The following HIPK2 variants were observed in gnomAD, a reference collection of about 807,000 sequenced individuals.
The protein encoded by HIPK2 is homeodomain-interacting protein kinase 2.
Under a neutral mutation model 113.7 loss-of-function variants are expected in HIPK2, and 27 were observed. The ratio of observed to expected loss-of-function variants is 0.24; its 90% CI spans 0.17 to 0.33. HIPK2 has a LOEUF of 0.33. Among genes scored for constraint, HIPK2 ranks in the 10% least tolerant of loss-of-function variants. The pLI is 1.00. For synonymous variants in HIPK2, 631 were observed against 642.2 expected (o/e 0.98, Z 0.26); for missense variants, 1,257 against 1,588.0 (o/e 0.79, Z 3.54).
rs763294474 is a variant in HIPK2, at chr7:139,604,156, G to T, written c.2180C>A (p.Ala727Asp). Residue 727 changes from alanine to aspartate, a missense_variant, in exon 10 of 15, where the codon GCC becomes GAC. By Grantham distance (126) the Ala-to-Asp change is moderately radical. Coordinates refer to ENST00000406875, the MANE Select transcript of HIPK2 (RefSeq NM_022740.5). ...PPAWQQLTGV[A>D]THTSVQHATV... Reference sequence around the variant, plus strand: ...GGCATGCTGCACTGATGTGTGGGTGGCCACTCCAGTCAGTTGCTGCCATGC... The same window carrying T: ...GGCATGCTGCACTGATGTGTGGGTGTCCACTCCAGTCAGTTGCTGCCATGC... The T allele has an allele frequency of 6.2e-7, 1 of 1,613,914 alleles. No homozygotes were observed. Among genetic ancestry groups the T allele is most frequent in the Non-Finnish European group, 8.5e-7 (1 of 1,179,866 alleles).
chr7:139,604,065 G>A lies in HIPK2; in HGVS notation c.2255+16C>T, dbSNP rs1799531324. ...CCCAGACACACCCACTCACCCTAGA[G>A]GGGTTTCCTGCTTACCTCCAGTCCG... On this transcript the variant is annotated intron_variant, in intron 10 of 14. Transcript: ENST00000406875. The A allele has an allele frequency of 1.2e-6, 2 of 1,613,676 alleles. No homozygotes were observed. The highest frequency in any genetic ancestry group is 1.3e-5 in the African/African-American group (1 of 75,022).
chr7:139,713,889 A>T (rs1164209724), intron 2 of HIPK2, among the ~76,000 whole-genome samples: 4 of 152,200 alleles, frequency 2.6e-5, no homozygotes, highest in African/African-American at 9.6e-5. Context: ...GGCACTCTCT[A>T]CAGAGAATAT....
chr7:139,770,970 T>C (rs921479077), intron 1 of HIPK2, among the ~76,000 whole-genome samples: 6 of 152,248 alleles, frequency 3.9e-5, no homozygotes, highest in Non-Finnish European at 8.8e-5. Context: ...TAGCTTGCTT[T>C]CTAAGGGCAA....
intron 2 of HIPK2, among the ~76,000 whole-genome samples, chr7:139,647,249 G>A (rs1801267687): frequency 6.6e-6 from 1 of 151,974 alleles, no homozygotes. Flanking sequence ...CTTGTCTACT[G>A]GGGTGAGAGG....
At chr7:139,697,863 ATTTTTTTTT>A (rs1206821973) in intron 2 of HIPK2, among the ~76,000 whole-genome samples, 1 of 135,282 alleles carries the variant, frequency 7.4e-6, no homozygotes, top group Non-Finnish European at 1.5e-5. Flanking sequence ...TCTTAATGGA[ATTTTTTTTT>A]TTTTTTTTTT....
In HIPK2 at chr7:139,729,833, C is replaced by T. The variant is rs141305601; in HGVS notation, c.20-12818G>A. Among the ~76,000 whole-genome samples, 766 of 152,318 alleles carry T rather than the reference C, an allele frequency of 5.0e-3. 3 individuals are homozygous for T. Among genetic ancestry groups the T allele is most frequent in the Non-Finnish European group, 7.9e-3 (539 of 68,032 alleles). On this transcript the variant is annotated intron_variant, in intron 1 of 14. Transcript: ENST00000406875. ...TTCTAAATAAGGACGGTTAAAGTTTCAGCAGTACCAGTTTTCAGGTGTTTG... is the reference window on the plus strand; with the variant it reads ...TTCTAAATAAGGACGGTTAAAGTTTTAGCAGTACCAGTTTTCAGGTGTTTG...
At chr7:139,647,119 GTTTT>G (rs3047860) in intron 2 of HIPK2, among the ~76,000 whole-genome samples, 1 of 142,466 alleles carries the variant, frequency 7.0e-6, no homozygotes, top group Non-Finnish European at 1.5e-5. Context: ...TGCACTGATA[GTTTT>G]TTTTTTTTTT....
chr7:139,589,869 A>G (rs534687015), intron 12 of HIPK2, among the ~76,000 whole-genome samples: 1 of 152,356 alleles, frequency 6.6e-6, no homozygotes, highest in Admixed American at 6.5e-5. Flanking sequence ...ATGAGCAAAT[A>G]TGTACGGCAC....
rs1800611808 is a variant in HIPK2, at chr7:139,631,411, A to T, written c.1228-127T>A. On this transcript the variant is annotated intron_variant, in intron 3 of 14. Transcript: ENST00000406875. This position sits in a 1 kb window ranked among gnomAD's most constrained non-coding sequence, Gnocchi z 4.9. ...TTGTAGGGAAAGAAGTTAACAAAAA[A>T]GAGAAAAAAGAAAAAGGGAAAAGAG... 6.9e-7 allele frequency: 1 copy of T among 1,442,448 alleles called. No homozygotes were observed. The highest frequency in any genetic ancestry group is 1.4e-5 in the African/African-American group (1 of 69,248). The allele number at this position is 1,442,448 out of a possible 1,614,324, so 89.4% of individuals were successfully genotyped here.
intron 1 of HIPK2, among the ~76,000 whole-genome samples, chr7:139,746,636 A>T (rs971182785): frequency 6.6e-6 from 1 of 152,100 alleles, no homozygotes; most frequent in Non-Finnish European, 1.5e-5. Context: ...CAAGCTACCA[A>T]ATCTGCTGGA....
intron 2 of HIPK2, among the ~76,000 whole-genome samples, chr7:139,664,784 T>C (rs1801989373): frequency 6.6e-6 from 1 of 152,194 alleles, no homozygotes; most frequent in South Asian, 2.1e-4. Context: ...TAGTTTTTCC[T>C]TCTGTATATT....
At chr7:139,616,419 CCT>C (rs1227787381) in intron 7 of HIPK2, among the ~76,000 whole-genome samples, 1 of 152,128 alleles carries the variant, frequency 6.6e-6, no homozygotes, top group East Asian at 1.9e-4. Flanking sequence ...GGTCTAGTGC[CCT>C]GTTTTCCCTG....
At chr7:139,635,571 C>T (rs938670944) in intron 2 of HIPK2, among the ~76,000 whole-genome samples, 5 of 152,098 alleles carry the variant, frequency 3.3e-5, no homozygotes, top group African/African-American at 1.2e-4. Flanking sequence ...GCTTGTAGTC[C>T]ACCAAGAAAA....
At chr7:139,643,316 A>G (rs1405121264) in intron 2 of HIPK2, among the ~76,000 whole-genome samples, 2 of 152,020 alleles carry the variant, frequency 1.3e-5, no homozygotes, top group Admixed American at 6.5e-5. Flanking sequence ...TAATGTTAGA[A>G]TCAGATTGGC....
At chr7:139,761,510 C>G (rs1484404816) in intron 1 of HIPK2, among the ~76,000 whole-genome samples, 1 of 152,182 alleles carries the variant, frequency 6.6e-6, no homozygotes, top group Non-Finnish European at 1.5e-5. Flanking sequence ...AACTTGAATC[C>G]TGCAAGCTTT....
chr7:139,705,770 T>C (rs1794874329), intron 2 of HIPK2, among the ~76,000 whole-genome samples: 1 of 151,658 alleles, frequency 6.6e-6, no homozygotes, highest in Non-Finnish European at 1.5e-5. Flanking sequence ...AATCCAGCTC[T>C]GTCTGCCAGA....
In HIPK2 at chr7:139,583,966, T is replaced by C. The variant is rs1402391966; in HGVS notation, c.2816A>G (p.Gln939Arg). The C allele has an allele frequency of 6.2e-7, 1 of 1,614,074 alleles. No individual in the cohort carries two copies. The highest frequency in any genetic ancestry group is 1.7e-5 in the Admixed American group (1 of 60,028). ...SSSNTSPYSV[Q>R]QRAGHNNANA... ...GGCATTGTTGTGCCCAGCACGCTGC[T>C]GCACGGAGTAGGGGCTGGTGTTGCT... Residue 939 changes from glutamine to arginine, a missense_variant, in exon 13 of 15, where the codon CAG (glutamine) becomes CGG (arginine). Physicochemically the swap from Gln to Arg is conservative, Grantham distance 43. Transcript: ENST00000406875.
chr7:139,717,944 A>G (rs1473530604), intron 1 of HIPK2, among the ~76,000 whole-genome samples: 2 of 151,972 alleles, frequency 1.3e-5, no homozygotes, highest in Non-Finnish European at 2.9e-5. Context: ...GGGTTTCACC[A>G]TGTTGGCCAG....
At chr7:139,669,571 A>C (rs1802187238) in intron 2 of HIPK2, among the ~76,000 whole-genome samples, 1 of 146,826 alleles carries the variant, frequency 6.8e-6, no homozygotes, top group African/African-American at 2.5e-5. Context: ...AGAGATGAGC[A>C]TGAGACCACA....
Sources: allele counts gnomAD v4.1 joint callset (sites outside exome capture counted in the v4.1 genomes callset), GRCh38; gene constraint gnomAD v4.1.1; non-coding constraint Gnocchi (gnomAD v3.1); transcripts MANE v1.5; gene names NCBI Gene and HGNC (gene_info 2026-07-23, HGNC 2026-07-21).